Variants in ZMIZ1 observed in about 807,000 individuals in gnomAD.
ZMIZ1 encodes zinc finger MIZ domain-containing protein 1.
In ZMIZ1, 17 loss-of-function variants were observed where a neutral mutation model predicts 113.9. That is an observed-to-expected ratio of 0.15 (90% CI 0.10 to 0.22). ZMIZ1 has a LOEUF of 0.22. Ranked by LOEUF, ZMIZ1 falls within the 10% of genes least tolerant of loss-of-function variation. ZMIZ1 has a pLI of 1.00. For missense variants in ZMIZ1, 1,059 were observed against 1,477.8 expected (o/e 0.72, Z 4.65); for synonymous variants, 607 against 603.1 (o/e 1.01, Z -0.09).
chr10:79,299,394 C>G (rs1180353107), intron 16 of ZMIZ1, among the ~76,000 whole-genome samples: 1 of 152,208 alleles, frequency 6.6e-6, no homozygotes, highest in Non-Finnish European at 1.5e-5. Context: ...GTCAAGGTGT[C>G]GTGGCCCAAG....
At chr10:79,193,280 T>A (rs1257889267) in intron 4 of ZMIZ1, among the ~76,000 whole-genome samples, 2 of 152,226 alleles carry the variant, frequency 1.3e-5, no homozygotes, top group Non-Finnish European at 2.9e-5. Flanking sequence ...AACTGCATGC[T>A]AAATAATAAC....
At chr10:79,074,985 C>G (rs145728349) in intron 1 of ZMIZ1, among the ~76,000 whole-genome samples, 1 of 152,246 alleles carries the variant, frequency 6.6e-6, no homozygotes, top group Non-Finnish European at 1.5e-5. Flanking sequence ...AATTAGATTT[C>G]TTAGATTTCA....
intron 7 of ZMIZ1, among the ~76,000 whole-genome samples, chr10:79,231,750 C>G (rs974273707): frequency 6.6e-6 from 1 of 151,668 alleles, no homozygotes; most frequent in Non-Finnish European, 1.5e-5. Flanking sequence ...GGCTAAAATA[C>G]AATTTTTAGT....
In ZMIZ1 at chr10:79,305,142, GTGTC is replaced by G. The variant is rs762288999; in HGVS notation, c.2287-7_2287-4del. The G allele has an allele frequency of 6.8e-6, 11 of 1,613,240 alleles. No homozygotes were observed. Among genetic ancestry groups the G allele is most frequent in the Admixed American group, 6.7e-5 (4 of 60,006 alleles). On this transcript the variant is annotated intron_variant, in intron 19 of 24. Transcript: ENST00000334512. Reference sequence around the variant, plus strand: ...GTTTCTGACAGTCCTGGTCTCACCTGTGTCTGTCTGTCTGTCTGCAGTGCTTTGA... The same window carrying G: ...GTTTCTGACAGTCCTGGTCTCACCTGTGTCTGTCTGTCTGCAGTGCTTTGA...
chr10:79,208,726 G>C (rs1353359478), intron 6 of ZMIZ1, among the ~76,000 whole-genome samples: 1 of 152,234 alleles, frequency 6.6e-6, no homozygotes, highest in Admixed American at 6.5e-5. Context: ...GCAGGTCACT[G>C]TTCCATCATA....
intron 4 of ZMIZ1, among the ~76,000 whole-genome samples, chr10:79,174,793 C>T (rs548407701): frequency 6.6e-6 from 1 of 152,324 alleles, no homozygotes; most frequent in East Asian, 1.9e-4. Flanking sequence ...CTCTGGATGC[C>T]AGAGGCTGGG....
chr10:79,216,415 C>A, intron 7 of ZMIZ1, 141 bp downstream of exon 7: 1 of 642,832 alleles, frequency 1.6e-6, no homozygotes, highest in Non-Finnish European at 2.5e-6. Flanking sequence ...AAGAGCAACT[C>A]ATCCACCAGG....
intron 1 of ZMIZ1, among the ~76,000 whole-genome samples, chr10:79,087,327 G>C (rs1842849308): frequency 6.6e-6 from 1 of 152,196 alleles, no homozygotes; most frequent in Non-Finnish European, 1.5e-5. Flanking sequence ...GGAGTAGGCT[G>C]ACATTGTCCC....
chr10:79,107,568 G>A (rs979431982), intron 1 of ZMIZ1, among the ~76,000 whole-genome samples: 1 of 152,222 alleles, frequency 6.6e-6, no homozygotes, highest in South Asian at 2.1e-4. Context: ...CGTTCAAGTG[G>A]ATGGGTGAGG....
chr10:79,234,215 T>TTGCCAGGA (rs1849505363), intron 7 of ZMIZ1, among the ~76,000 whole-genome samples: 2 of 152,152 alleles, frequency 1.3e-5, no homozygotes, highest in Admixed American at 1.3e-4. Flanking sequence ...GCTGGTGCAG[T>TTGCCAGGA]TGCCAGGATG....
chr10:79,285,204 G>C (rs889568307), intron 8 of ZMIZ1, among the ~76,000 whole-genome samples: 50 of 152,326 alleles, frequency 3.3e-4, no homozygotes, highest in African/African-American at 1.1e-3. Context: ...GTGAGCCCCA[G>C]CTTCTAAGAT....
intron 16 of ZMIZ1, 136 bp downstream of exon 16, chr10:79,299,327 C>T: frequency 7.7e-7 from 1 of 1,290,388 alleles, no homozygotes; most frequent in South Asian, 1.5e-5. Context: ...GCATCATTGA[C>T]TGGGCCCTGT....
At chr10:79,307,371 GACCCCC>G in intron 22 of ZMIZ1, 28 bp from the exon 23 acceptor site, 2 of 1,602,616 alleles carry the variant, frequency 1.2e-6, no homozygotes, top group African/African-American at 1.3e-5. Context: ...CCCTCTGGGT[GACCCCC>G]TCCCCTCCCC....
chr10:79,152,045 CAG>C (rs1466330408), intron 3 of ZMIZ1, among the ~76,000 whole-genome samples: 2 of 152,184 alleles, frequency 1.3e-5, no homozygotes, highest in Non-Finnish European at 2.9e-5. Context: ...ATGGAGTAGT[CAG>C]GGGACCGGGC....
At chr10:79,082,903 C>A (rs185977038) in intron 1 of ZMIZ1, among the ~76,000 whole-genome samples, 30 of 152,314 alleles carry the variant, frequency 2.0e-4, no homozygotes, top group African/African-American at 6.3e-4. Context: ...GAGTCCCCAG[C>A]ACTCTGGCCC....
chr10:79,211,535 G>C (rs1848527316), intron 6 of ZMIZ1, among the ~76,000 whole-genome samples: 1 of 152,170 alleles, frequency 6.6e-6, no homozygotes, highest in Non-Finnish European at 1.5e-5. Flanking sequence ...AATTCCTCTG[G>C]ATCCGGCTTA....
At position 79,290,941 on chromosome 10, in the gene ZMIZ1, C is replaced by T. The variant is rs753198494; in HGVS notation, c.541-18C>T. The T allele has an allele frequency of 1.9e-6, 3 of 1,610,486 alleles. No individual in the cohort carries two copies. Among genetic ancestry groups the T allele is most frequent in the African/African-American group, 1.3e-5 (1 of 74,874 alleles). On this transcript the variant is annotated intron_variant, in intron 9 of 24. Coordinates refer to ENST00000334512, the MANE Select transcript of ZMIZ1 (RefSeq NM_020338.4). ...CCTCGGGTAGCACCTTAGGTGACAA[C>T]CACTTCTCTGCCCACAGGTCCTTGG...
intron 9 of ZMIZ1, 91 bp downstream of exon 9, chr10:79,289,980 A>C: frequency 7.7e-7 from 1 of 1,295,052 alleles, no homozygotes; most frequent in Non-Finnish European, 1.1e-6. Flanking sequence ...TCACCCTCAC[A>C]GGCCTTGCCC....
At chr10:79,254,648 C>T (rs900354333) in intron 7 of ZMIZ1, among the ~76,000 whole-genome samples, 2 of 152,256 alleles carry the variant, frequency 1.3e-5, no homozygotes, top group Admixed American at 1.3e-4. Flanking sequence ...GCCTTGCAGT[C>T]AGCGTGATAT....
Sources: gnomAD v4.1 joint callset for allele counts (sites outside exome capture counted in the v4.1 genomes callset) on GRCh38, gnomAD v4.1.1 for gene constraint, MANE v1.5 for transcripts, NCBI Gene and HGNC (gene_info 2026-07-23, HGNC 2026-07-21) for gene names.